The following PVT1 variants were observed in gnomAD, a reference collection of about 807,000 sequenced individuals.
PVT1 encodes the protein CXCR4/PVT1 fusion.
chr8:127,860,639 C>T (rs1179719606), intron 2 of PVT1, among the ~76,000 whole-genome samples: 2 of 151,864 alleles, frequency 1.3e-5, no homozygotes, highest in Non-Finnish European at 2.9e-5. Flanking sequence ...GTGGCACGTG[C>T]CTGTAATCCC....
At chr8:127,850,056 A>G (rs7823306) in intron 2 of PVT1, among the ~76,000 whole-genome samples, 11 of 146,264 alleles carry the variant, frequency 7.5e-5, no homozygotes, top group African/African-American at 2.0e-4. Context: ...ACATATGTGT[A>G]TGTGTGCTCC....
chr8:127,864,282 T>C (rs1815260629), intron 2 of PVT1, among the ~76,000 whole-genome samples: 1 of 151,828 alleles, frequency 6.6e-6, no homozygotes, highest in African/African-American at 2.4e-5. Flanking sequence ...GGAGAGAGCC[T>C]GCCGGCTGGA....
chr8:127,933,524 A>G (rs920422987), intron 3 of PVT1, among the ~76,000 whole-genome samples: 2 of 152,172 alleles, frequency 1.3e-5, no homozygotes, highest in Non-Finnish European at 2.9e-5. Context: ...TAATGTGCAC[A>G]CCATCGTAAA....
intron 3 of PVT1, among the ~76,000 whole-genome samples, chr8:127,943,199 G>A (rs35443515): frequency 2.0e-5 from 3 of 152,250 alleles, no homozygotes; most frequent in East Asian, 1.9e-4. Context: ...AGATCCTAAC[G>A]CGAAGTCTGA....
At chr8:127,984,167 C>G (rs1241188646) in intron 3 of PVT1, 3 of 152,182 alleles carry the variant, frequency 2.0e-5, no homozygotes, top group African/African-American at 7.2e-5. Flanking sequence ...GCGAGAGTCA[C>G]CGCACCCGGA....
chr8:127,825,901 AGT>A (rs373777890), intron 2 of PVT1, among the ~76,000 whole-genome samples: 129 of 151,224 alleles, frequency 8.5e-4, no homozygotes, highest in African/African-American at 3.0e-3. Flanking sequence ...CCCAAGCTGG[AGT>A]GCAGTCGCAC....
intron 4 of PVT1, among the ~76,000 whole-genome samples, chr8:128,062,611 TTTG>T (rs1813845281): frequency 6.6e-6 from 1 of 152,216 alleles, no homozygotes; most frequent in Non-Finnish European, 1.5e-5. Context: ...TATCATGTCA[TTTG>T]TAGGCTAGAA....
chr8:128,039,252 CT>C (rs11284666), intron 4 of PVT1, among the ~76,000 whole-genome samples: 152,330 of 152,330 alleles, frequency 1, 76,165 homozygotes, highest in Non-Finnish European at 1. Context: ...TCCCTTCCCC[CT>C]TTCCTCCCTC....
chr8:127,809,312 C>T (rs1814565960), intron 2 of PVT1, among the ~76,000 whole-genome samples: 1 of 152,148 alleles, frequency 6.6e-6, no homozygotes, highest in Non-Finnish European at 1.5e-5. Context: ...CCACCTCAGC[C>T]TCCAGAGTAG....
chr8:127,932,827 T>G, intron 3 of PVT1: 4 of 255,288 alleles, frequency 1.6e-5, no homozygotes, highest in East Asian at 6.7e-5. Flanking sequence ...TACATGCATG[T>G]ATATGCGTAT....
intron 3 of PVT1, among the ~76,000 whole-genome samples, chr8:127,921,214 G>A (rs904685255): frequency 2.6e-5 from 4 of 152,138 alleles, no homozygotes; most frequent in East Asian, 3.9e-4. Context: ...TGTGCCGAGC[G>A]CTGAGTAGTG....
intron 4 of PVT1, among the ~76,000 whole-genome samples, chr8:128,069,892 T>C (rs1044346277): frequency 6.6e-6 from 1 of 152,154 alleles, no homozygotes; most frequent in African/African-American, 2.4e-5. Flanking sequence ...ATCATCATCA[T>C]TGATCTCTAC....
intron 4 of PVT1, among the ~76,000 whole-genome samples, chr8:128,006,119 A>AATG (rs1817243736): frequency 1.6e-5 from 2 of 126,020 alleles, no homozygotes; most frequent in African/African-American, 5.8e-5. Context: ...TAATAATAAT[A>AATG]ATAATAATAA....
chr8:127,888,857 A>AT (rs1407321889), intron 2 of PVT1, among the ~76,000 whole-genome samples: 1 of 152,258 alleles, frequency 6.6e-6, no homozygotes, highest in African/African-American at 2.4e-5. Context: ...ATGTAAGATC[A>AT]TAAGTGTGTG....
At chr8:128,075,035 T>C (rs1814066576) in intron 5 of PVT1, among the ~76,000 whole-genome samples, 1 of 152,266 alleles carries the variant, frequency 6.6e-6, no homozygotes, top group South Asian at 2.1e-4. Flanking sequence ...TCCGTTGTAC[T>C]ATTATATTCA....
rs146570502 is a variant in PVT1, at chr8:128,043,439, AAG to A, written n.913-26717_913-26716del. On this transcript the variant is annotated intron_variant and non_coding_transcript_variant, in intron 4 of 10. Coordinates refer to ENST00000651587, the Ensembl canonical transcript of PVT1. ...TCAGTGTAAGTATCTTCAAGGAACT[AAG>A]AGAACAAAATCAGACTGGAAGCTGG... 3.8e-3 allele frequency among the ~76,000 whole-genome samples: 585 copies of A among 152,234 alleles called. 1 individual carries two copies. The highest frequency in any genetic ancestry group is 0.013 in the African/African-American group (525 of 41,516).
chr8:127,982,680 A>T (rs796141988), intron 3 of PVT1, among the ~76,000 whole-genome samples: 28 of 109,992 alleles, frequency 2.5e-4, no homozygotes, highest in East Asian at 8.0e-4. Context: ...ATTAATTAAT[A>T]AAATAAATGA....
At chr8:128,005,175 A>G (rs552412498) in intron 4 of PVT1, among the ~76,000 whole-genome samples, 10 of 152,302 alleles carry the variant, frequency 6.6e-5, no homozygotes, top group African/African-American at 2.4e-4. Flanking sequence ...AAGGTTGGCA[A>G]CTATCACTAA....
At chr8:127,844,990 G>A (rs1330058592) in intron 2 of PVT1, among the ~76,000 whole-genome samples, 2 of 152,312 alleles carry the variant, frequency 1.3e-5, no homozygotes, top group East Asian at 3.9e-4. Context: ...TGGGATTACA[G>A]GCGTGAGCTA....
Sources: allele counts gnomAD v4.1 joint callset (sites outside exome capture counted in the v4.1 genomes callset), GRCh38; gene constraint gnomAD v4.1.1; transcripts MANE v1.5; gene names NCBI Gene and HGNC (gene_info 2026-07-23, HGNC 2026-07-21).